Variants in KSR2 observed in about 807,000 individuals in gnomAD.
The protein encoded by KSR2 is kinase suppressor of ras 2.
KSR2 carries 25 observed loss-of-function variants against 107.8 expected under a neutral mutation model. The observed-to-expected ratio is 0.23, with a 90% CI of 0.17 to 0.32. The LOEUF is 0.32. Ranked by LOEUF, KSR2 falls within the 10% of genes least tolerant of loss-of-function variation. The pLI is 1.00. For synonymous variants in KSR2, 480 were observed against 507.0 expected, an observed-to-expected ratio of 0.95 and a Z score of 0.71; for missense variants, 887 against 1,268.9, an observed-to-expected ratio of 0.70 and a Z score of 4.57.
rs184043733 is a variant in KSR2 at position 117,755,386 on chromosome 12, T to C, written c.986+5625A>G. Among the ~76,000 whole-genome samples, 394 of 152,340 alleles carry C rather than the reference T, an allele frequency of 2.6e-3. 1 individual carries two copies. The highest frequency in any genetic ancestry group is 8.9e-3 in the African/African-American group (368 of 41,578). The stretch of plus-strand genomic sequence containing the variant: ...GCTCACTTCATGCCTCTGTGTCACA[T>C]TTTGGTCATTCTAGCAATATTTCTA... On this transcript the variant is annotated intron_variant, in intron 4 of 19. Transcript: ENST00000339824.
intron 1 of KSR2, among the ~76,000 whole-genome samples, chr12:117,915,214 G>A (rs962670712): frequency 1.3e-5 from 2 of 152,194 alleles, no homozygotes; most frequent in Non-Finnish European, 2.9e-5. Context: ...TCACAGTTCT[G>A]CAGGCCACAA....
rs1449351453 is a variant in KSR2, at chr12:117,485,641, A to G, written c.2270T>C (p.Val757Ala). ...CTGCCTGGTTTTGTTGACATCCAAA[A>G]CGATTTTGGCATCCCTCACAACGGA... ...LYSVVRDAKI[V>A]LDVNKTRQIA... The change falls in exon 15 of 20, where the codon GTT (valine) becomes GCT (alanine). Residue 757 changes from valine to alanine, a missense_variant. Coordinates refer to ENST00000339824, the MANE Select transcript of KSR2 (RefSeq NM_173598.6). The G allele has an allele frequency of 4.3e-6, 7 of 1,613,688 alleles. No individual in the cohort carries two copies. Among genetic ancestry groups the G allele is most frequent in the Non-Finnish European group, 5.9e-6 (7 of 1,179,646 alleles).
intron 3 of KSR2, among the ~76,000 whole-genome samples, chr12:117,788,377 T>C (rs951113872): frequency 2.0e-5 from 3 of 152,228 alleles, no homozygotes; most frequent in African/African-American, 7.2e-5. Flanking sequence ...CCATGGGATA[T>C]GAGTCCTGAA....
At position 117,759,766 on chromosome 12, in the gene KSR2, T is replaced by G. The variant is rs149524611; in HGVS notation, c.986+1245A>C. Among the ~76,000 whole-genome samples the G allele has an allele frequency of 3.0e-4, 45 of 152,350 alleles. No homozygotes were observed. In the East Asian group the frequency reaches 8.1e-3, roughly 27 times the overall value. ...TCATTATGTGTCTGGCATATTTTAC[T>G]CTTAGCATGCTGTCTTCAAGGTTCA... On this transcript the variant is annotated intron_variant, in intron 4 of 19. Coordinates refer to ENST00000339824, the MANE Select transcript of KSR2 (RefSeq NM_173598.6).
intron 1 of KSR2, among the ~76,000 whole-genome samples, chr12:117,935,962 GC>G (rs900585631): frequency 1.3e-5 from 2 of 152,008 alleles, no homozygotes; most frequent in African/African-American, 4.8e-5. Flanking sequence ...TTTTCATGAA[GC>G]CTGCTCTGCT....
chr12:117,617,697 G>A (rs924799138), intron 5 of KSR2, among the ~76,000 whole-genome samples: 2 of 152,208 alleles, frequency 1.3e-5, no homozygotes, highest in Admixed American at 6.5e-5. Flanking sequence ...CTAGGAGGAT[G>A]AAGTGATTGC....
chr12:117,573,898 G>A (rs1358600448), intron 7 of KSR2, among the ~76,000 whole-genome samples: 2 of 152,160 alleles, frequency 1.3e-5, no homozygotes, highest in Non-Finnish European at 2.9e-5. Flanking sequence ...GGGAGATGAT[G>A]ATGAAAAAGA....
At chr12:117,959,101 C>A (rs916865113) in intron 1 of KSR2, among the ~76,000 whole-genome samples, 4 of 151,856 alleles carry the variant, frequency 2.6e-5, no homozygotes, top group African/African-American at 9.7e-5. Context: ...TCACACATAC[C>A]CTGAAAATAT....
Position 117,476,968 on chromosome 12 carries a change from C to T in KSR2, c.2451-373G>A, listed in dbSNP as rs528333348. ...GGGGAAATATGTACACATGCACACA[C>T]CCCCTCACATAGTTTATAATTTTAA... On this transcript the variant is annotated intron_variant, in intron 16 of 19. Coordinates refer to ENST00000339824, the MANE Select transcript of KSR2 (RefSeq NM_173598.6). 3.9e-3 allele frequency among the ~76,000 whole-genome samples: 445 copies of T among 113,418 alleles called. 4 individuals are homozygous for T. The highest frequency in any genetic ancestry group is 0.017 in the African/African-American group (429 of 25,208). The allele number at this position is 113,418 out of a possible 152,430, so 74.4% of individuals were successfully genotyped here.
intron 1 of KSR2, among the ~76,000 whole-genome samples, chr12:117,900,058 C>T (rs963858959): frequency 2.6e-5 from 4 of 152,222 alleles, no homozygotes; most frequent in African/African-American, 9.6e-5. Flanking sequence ...TGACTGTATC[C>T]TTGTGAGACA....
At chr12:117,808,355 G>A (rs932613691) in intron 3 of KSR2, among the ~76,000 whole-genome samples, 9 of 152,074 alleles carry the variant, frequency 5.9e-5, no homozygotes, top group East Asian at 1.9e-4. Context: ...ATCCACCCCC[G>A]CCTCCTAGAT....
intron 3 of KSR2, among the ~76,000 whole-genome samples, chr12:117,792,130 A>G (rs1440829220): frequency 2.6e-5 from 4 of 151,954 alleles, no homozygotes; most frequent in Non-Finnish European, 5.9e-5. Context: ...TGAGCTCAGG[A>G]GTTTTGAGAC....
At chr12:117,806,823 G>A (rs1891025310) in intron 3 of KSR2, among the ~76,000 whole-genome samples, 1 of 152,186 alleles carries the variant, frequency 6.6e-6, no homozygotes, top group South Asian at 2.1e-4. Context: ...CATCCACATT[G>A]CAGCATGCAC....
At chr12:117,845,077 C>T (rs548552928) in intron 3 of KSR2, among the ~76,000 whole-genome samples, 21 of 152,224 alleles carry the variant, frequency 1.4e-4, no homozygotes, top group African/African-American at 4.6e-4. Context: ...ACCCGGGAGG[C>T]GGAGCGTGCA....
intron 1 of KSR2, among the ~76,000 whole-genome samples, chr12:117,896,289 G>C (rs1239961251): frequency 6.6e-6 from 1 of 152,170 alleles, no homozygotes; most frequent in African/African-American, 2.4e-5. Flanking sequence ...GCCACATATA[G>C]TATGATTCCA....
intron 3 of KSR2, among the ~76,000 whole-genome samples, chr12:117,831,541 T>C (rs185271835): frequency 1.7e-4 from 26 of 152,314 alleles, no homozygotes; most frequent in Admixed American, 3.9e-4. Context: ...GAAAAATCCT[T>C]GCAAGACTGC....
intron 1 of KSR2, among the ~76,000 whole-genome samples, chr12:117,896,214 T>C (rs1894505015): frequency 6.6e-6 from 1 of 152,190 alleles, no homozygotes; most frequent in East Asian, 1.9e-4. Context: ...GAAGTACTGA[T>C]ACATGCTACA....
chr12:117,753,223 T>C (rs1484434040), intron 4 of KSR2, among the ~76,000 whole-genome samples: 1 of 152,236 alleles, frequency 6.6e-6, no homozygotes, highest in Non-Finnish European at 1.5e-5. Context: ...TTAGATTTTG[T>C]GGTTCCTAAT....
chr12:117,779,974 C>T (rs878935366), intron 3 of KSR2, among the ~76,000 whole-genome samples: 2 of 152,156 alleles, frequency 1.3e-5, no homozygotes, highest in African/African-American at 4.8e-5. Flanking sequence ...ACACCAGGTA[C>T]TTTGATCTGA....
Sources: gnomAD v4.1 joint callset for allele counts (sites outside exome capture counted in the v4.1 genomes callset) on GRCh38, gnomAD v4.1.1 for gene constraint, MANE v1.5 for transcripts, NCBI Gene and HGNC (gene_info 2026-07-23, HGNC 2026-07-21) for gene names.